The following PTPRG variants were observed in gnomAD, a reference collection of about 807,000 sequenced individuals.
The protein encoded by PTPRG is receptor-type tyrosine-protein phosphatase gamma.
PTPRG carries 102 observed loss-of-function variants against 165.3 expected under a neutral mutation model. The observed-to-expected ratio is 0.62, with a 90% CI of 0.53 to 0.73. PTPRG has a LOEUF of 0.73. Ranked by LOEUF, PTPRG falls within the 30% of genes least tolerant of loss-of-function variation. The probability of loss-of-function intolerance (pLI) is 0.00; values close to 1 mark genes in which losing one functional copy is unlikely to be tolerated. For synonymous variants in PTPRG, 675 were observed against 669.5 expected (o/e 1.01, Z -0.13); for missense variants, 1,866 against 1,861.4 (o/e 1.00, Z -0.05).
chr3:62,031,514 A>G (rs1699769027), intron 4 of PTPRG, among the ~76,000 whole-genome samples: 1 of 152,186 alleles, frequency 6.6e-6, no homozygotes, highest in Non-Finnish European at 1.5e-5. Flanking sequence ...TTTGGATTTT[A>G]TTTTAAGGGA....
Position 61,888,323 on chromosome 3 carries a change from T to G in PTPRG, c.191-101302T>G, listed in dbSNP as rs1022777100. Among the ~76,000 whole-genome samples the G allele has an allele frequency of 8.0e-5, 10 of 124,258 alleles. 1 individual carries two copies. The South Asian group carries it at 1.1e-3, about 13-fold the overall frequency. 81.5% of individuals were successfully genotyped at this position (124,258 alleles called of 152,430 possible). A position where few individuals can be genotyped will look rare whatever the true frequency, so the allele number is the denominator to read the frequency against. On this transcript the variant is annotated intron_variant, in intron 2 of 29. Transcript: ENST00000474889. ...ATTTCTGTTCTAGGAAAATGGGTTG[T>G]TTTTTTTGTTTGTTTGTTTGTTGTT...
Position 61,843,020 on chromosome 3 carries a change from A to G in PTPRG, c.190+94038A>G, listed in dbSNP as rs17065476. Among the ~76,000 whole-genome samples, 1,335 of 152,318 alleles carry G rather than the reference A, an allele frequency of 8.8e-3. 16 individuals are homozygous for G. The highest frequency in any genetic ancestry group is 0.031 in the African/African-American group (1,271 of 41,556). ...AATTATATTTCATGAAATGTCTGGT[A>G]TCTCTCTTACAGCTCTGTTGCTCTA... is the stretch of plus-strand genomic sequence containing the variant. On this transcript the variant is annotated intron_variant, in intron 2 of 29. Transcript: ENST00000474889.
chr3:62,081,118 G>T (rs566396285), intron 5 of PTPRG, among the ~76,000 whole-genome samples: 5 of 151,728 alleles, frequency 3.3e-5, no homozygotes, highest in Admixed American at 1.3e-4. Flanking sequence ...TTAGCCGGGC[G>T]TGGTGGCGGG....
chr3:62,086,979 T>C (rs558193374), intron 5 of PTPRG, among the ~76,000 whole-genome samples: 1 of 152,366 alleles, frequency 6.6e-6, no homozygotes, highest in African/African-American at 2.4e-5. Context: ...TTGAATTCTT[T>C]GAATGTGACC....
At chr3:61,680,515 AAAACAC>A (rs1368019042) in intron 1 of PTPRG, among the ~76,000 whole-genome samples, 14 of 146,950 alleles carry the variant, frequency 9.5e-5, no homozygotes, top group African/African-American at 3.5e-4. Context: ...AAAAAAAAAA[AAAACAC>A]AAAAAAACAG....
At chr3:61,574,624 G>C (rs922686388) in intron 1 of PTPRG, among the ~76,000 whole-genome samples, 2 of 152,160 alleles carry the variant, frequency 1.3e-5, no homozygotes, top group African/African-American at 4.8e-5. Context: ...TGTGATAGAG[G>C]TTTGCATGCT....
chr3:61,794,366 T>G (rs953488197), intron 2 of PTPRG, among the ~76,000 whole-genome samples: 5 of 152,170 alleles, frequency 3.3e-5, no homozygotes, highest in African/African-American at 1.2e-4. Context: ...TGGTTTTGGT[T>G]TTCCCTCCAT....
intron 2 of PTPRG, among the ~76,000 whole-genome samples, chr3:61,920,496 A>G (rs970571863): frequency 3.9e-5 from 6 of 152,170 alleles, no homozygotes; most frequent in African/African-American, 1.4e-4. Context: ...CCCGGGTTCA[A>G]GTAATTCTCC....
At position 62,037,374 on chromosome 3, in the gene PTPRG, C is replaced by G. The variant is rs547599735; in HGVS notation, c.519+33877C>G. Among the ~76,000 whole-genome samples, 162 of 152,282 alleles carry G rather than the reference C, an allele frequency of 1.1e-3. 1 individual carries two copies. Among genetic ancestry groups the G allele is most frequent in the Non-Finnish European group, 2.0e-3 (136 of 68,018 alleles). On this transcript the variant is annotated intron_variant, in intron 4 of 29. Transcript: ENST00000474889. ...TCCTCATTTCTTACCTTTAATCTAC[C>G]TCTCCCTGCCCCTGTGTTCTTTGCA...
At chr3:61,968,757 G>A (rs1465490664) in intron 2 of PTPRG, among the ~76,000 whole-genome samples, 2 of 152,134 alleles carry the variant, frequency 1.3e-5, no homozygotes, top group African/African-American at 4.8e-5. Context: ...GATGGAGGAG[G>A]GGAGGGAATG....
rs1472892584 is a variant in PTPRG at position 61,871,716 on chromosome 3, C to T, written c.191-117909C>T. On this transcript the variant is annotated intron_variant, in intron 2 of 29. Coordinates refer to ENST00000474889, the MANE Select transcript of PTPRG (RefSeq NM_002841.4). ...AGAACTCATCTTGGGTTCCACTTCC[C>T]TTTGATTTGGGGGTTGTAGCTTTGG... is the stretch of plus-strand genomic sequence containing the variant. 4.6e-5 allele frequency among the ~76,000 whole-genome samples: 7 copies of T among 152,080 alleles called. No individual in the cohort carries two copies. In the East Asian group the frequency reaches 5.8e-4, roughly 13 times the overall value.
intron 1 of PTPRG, among the ~76,000 whole-genome samples, chr3:61,707,138 T>C (rs1381214331): frequency 1.3e-5 from 2 of 152,230 alleles, no homozygotes; most frequent in African/African-American, 2.4e-5. Context: ...TTATGGAGTA[T>C]GTAGCTGTTC....
chr3:62,288,810 C>T (rs1355424890), intron 28 of PTPRG, among the ~76,000 whole-genome samples: 1 of 151,630 alleles, frequency 6.6e-6, no homozygotes, highest in African/African-American at 2.4e-5. Flanking sequence ...ATATTGGGGA[C>T]GAAACAGAAA....
At chr3:61,777,344 C>G (rs149839418) in intron 2 of PTPRG, among the ~76,000 whole-genome samples, 30 of 152,234 alleles carry the variant, frequency 2.0e-4, no homozygotes, top group African/African-American at 6.7e-4. Context: ...TTTAAATAGC[C>G]ACATGTGGCT....
At chr3:61,835,482 C>T (rs909342965) in intron 2 of PTPRG, among the ~76,000 whole-genome samples, 33 of 151,946 alleles carry the variant, frequency 2.2e-4, no homozygotes, top group South Asian at 1.0e-3. Context: ...TACAGGCACA[C>T]GCCACCACAC....
chr3:61,609,119 C>G (rs1292317334), intron 1 of PTPRG, among the ~76,000 whole-genome samples: 1 of 152,188 alleles, frequency 6.6e-6, no homozygotes, highest in Non-Finnish European at 1.5e-5. Context: ...AATTACTCTT[C>G]AGGACGATAT....
At chr3:62,261,368 T>C (rs1399267896) in intron 16 of PTPRG, among the ~76,000 whole-genome samples, 2 of 152,244 alleles carry the variant, frequency 1.3e-5, no homozygotes, top group East Asian at 1.9e-4. Context: ...TTGGCTAGCA[T>C]TGCTCATGTT....
intron 1 of PTPRG, among the ~76,000 whole-genome samples, chr3:61,708,695 G>A (rs1185556733): frequency 3.3e-5 from 5 of 151,978 alleles, no homozygotes; most frequent in African/African-American, 1.2e-4. Context: ...CTGACCTCAT[G>A]ATCCGCCCGC....
intron 2 of PTPRG, among the ~76,000 whole-genome samples, chr3:61,931,584 C>G (rs375104868): frequency 1.3e-5 from 2 of 152,150 alleles, no homozygotes; most frequent in Non-Finnish European, 2.9e-5. Flanking sequence ...AAGTCAAGAC[C>G]CCGTGTCCTC....
Sources: gnomAD v4.1 joint callset for allele counts (sites outside exome capture counted in the v4.1 genomes callset) on GRCh38, gnomAD v4.1.1 for gene constraint, MANE v1.5 for transcripts, NCBI Gene and HGNC (gene_info 2026-07-23, HGNC 2026-07-21) for gene names.